ATP11B: variants seen among roughly 807,000 people sequenced by gnomAD.
ATP11B encodes the protein phospholipid-transporting ATPase IF.
A neutral mutation model predicts 157.8 loss-of-function variants in ATP11B; 81 were observed. That is an observed-to-expected ratio of 0.51 (90% CI 0.43 to 0.62). The LOEUF is 0.62. Ranked by LOEUF, ATP11B falls within the 20% of genes least tolerant of loss-of-function variation. The pLI is 0.00. For missense variants in ATP11B, 1,165 were observed against 1,402.2 expected, an observed-to-expected ratio of 0.83 and a Z score of 2.70; for synonymous variants, 451 against 469.4, an observed-to-expected ratio of 0.96 and a Z score of 0.51.
intron 25 of ATP11B, 118 bp from the exon 26 acceptor site, chr3:182,896,580 GTT>G (rs1215840879): frequency 1.3e-6 from 1 of 791,964 alleles, no homozygotes; most frequent in East Asian, 2.5e-5. Flanking sequence ...ATAGTCACCA[GTT>G]TCAAATGTAC....
At chr3:182,839,715 A>G (rs1718853504) in intron 7 of ATP11B, among the ~76,000 whole-genome samples, 1 of 152,082 alleles carries the variant, frequency 6.6e-6, no homozygotes, top group South Asian at 2.1e-4. Flanking sequence ...GGTTCAAGCA[A>G]TTCTCCTGCC....
chr3:182,916,727 T>TA, intron 29 of ATP11B: 1 of 984,390 alleles, frequency 1.0e-6, no homozygotes, highest in Non-Finnish European at 1.2e-6. Flanking sequence ...AAAAAAAATT[T>TA]AAAATGAAGG....
chr3:182,824,447 T>G (rs1380495939), intron 2 of ATP11B, among the ~76,000 whole-genome samples: 2 of 152,166 alleles, frequency 1.3e-5, no homozygotes, highest in African/African-American at 4.8e-5. Flanking sequence ...CATTTGCAAT[T>G]TTTTGAAATT....
intron 15 of ATP11B, among the ~76,000 whole-genome samples, chr3:182,867,820 C>T (rs1476584909): frequency 6.6e-6 from 1 of 152,116 alleles, no homozygotes; most frequent in Non-Finnish European, 1.5e-5. Flanking sequence ...ATCCACCCAC[C>T]TTGGCCTCCC....
intron 3 of ATP11B, 73 bp downstream of exon 3, chr3:182,828,282 A>G (rs1379601338): frequency 9.7e-6 from 7 of 718,560 alleles, no homozygotes. Flanking sequence ...AAGAAAAATT[A>G]CATTGTGTTG....
intron 14 of ATP11B, among the ~76,000 whole-genome samples, chr3:182,866,896 AAG>A (rs1318482888): frequency 6.8e-6 from 1 of 146,650 alleles, no homozygotes; most frequent in African/African-American, 2.5e-5. Flanking sequence ...ATATATTAAA[AAG>A]AATATATAAG....
intron 9 of ATP11B, among the ~76,000 whole-genome samples, chr3:182,845,828 G>A (rs995672011): frequency 8.6e-5 from 13 of 152,022 alleles, no homozygotes; most frequent in African/African-American, 2.9e-4. Context: ...AATATAATAT[G>A]GTATCATGGT....
chr3:182,910,195 G>T (rs947308437), intron 28 of ATP11B, among the ~76,000 whole-genome samples: 1 of 150,338 alleles, frequency 6.7e-6, no homozygotes, highest in Non-Finnish European at 1.5e-5. Flanking sequence ...GTGATCTGAA[G>T]AAGTCATTTC....
At chr3:182,829,918 T>G in intron 4 of ATP11B, 166 bp downstream of exon 4, 1 of 985,056 alleles carries the variant, frequency 1.0e-6, no homozygotes, top group Non-Finnish European at 1.2e-6. Context: ...TCTGTTATAT[T>G]TCAGGTACCT....
At chr3:182,809,163 G>C (rs1356344910) in intron 1 of ATP11B, among the ~76,000 whole-genome samples, 1 of 152,082 alleles carries the variant, frequency 6.6e-6, no homozygotes, top group Non-Finnish European at 1.5e-5. Flanking sequence ...GTTATTAGAA[G>C]TTAGTGTGAT....
chr3:182,832,197 TA>T (rs1718203403), intron 4 of ATP11B, among the ~76,000 whole-genome samples: 1 of 152,124 alleles, frequency 6.6e-6, no homozygotes, highest in African/African-American at 2.4e-5. Context: ...TTGGTTTAAG[TA>T]AAAGTGAATA....
At chr3:182,835,399 A>G (rs1165070660) in intron 4 of ATP11B, among the ~76,000 whole-genome samples, 1 of 152,214 alleles carries the variant, frequency 6.6e-6, no homozygotes, top group African/African-American at 2.4e-5. Context: ...TATCATTTGT[A>G]CATAGAAACA....
At chr3:182,853,593 AGGAAT>A (rs1720148845) in intron 10 of ATP11B, among the ~76,000 whole-genome samples, 2 of 152,218 alleles carry the variant, frequency 1.3e-5, no homozygotes, top group Non-Finnish European at 2.9e-5. Context: ...TAATATATTT[AGGAAT>A]AAGTTTTTTT....
chr3:182,822,878 G>A (rs1337201341), intron 2 of ATP11B, among the ~76,000 whole-genome samples: 1 of 152,210 alleles, frequency 6.6e-6, no homozygotes, highest in African/African-American at 2.4e-5. Flanking sequence ...GTGATGATGA[G>A]CATTTTTTCA....
chr3:182,820,437 A>C, intron 2 of ATP11B, 61 bp downstream of exon 2: 1 of 1,161,760 alleles, frequency 8.6e-7, no homozygotes, highest in Non-Finnish European at 1.3e-6. Flanking sequence ...TCATCCCAGC[A>C]CTTTGGGAGG....
At chr3:182,853,455 C>G (rs940611771) in intron 10 of ATP11B, among the ~76,000 whole-genome samples, 2 of 152,130 alleles carry the variant, frequency 1.3e-5, no homozygotes, top group African/African-American at 4.8e-5. Context: ...ATCCGCCTAC[C>G]TCGGCCTCCC....
Position 182,906,855 on chromosome 3 carries a change from G to A in ATP11B, c.3319-7006G>A, listed in dbSNP as rs955864858. Among the ~76,000 whole-genome samples, 142 of 151,888 alleles carry A rather than the reference G, an allele frequency of 9.3e-4. 2 individuals carry two copies. Among genetic ancestry groups the A allele is most frequent in the African/African-American group, 3.1e-3 (130 of 41,498 alleles). On this transcript the variant is annotated intron_variant, in intron 28 of 29. Transcript: ENST00000323116. ...TGTAATCCCAGCACTTTGGGAGGCT[G>A]AGGCGGGTGGATCATGAGGTCAGGA... is the stretch of plus-strand genomic sequence containing the variant.
intron 4 of ATP11B, 122 bp from the exon 5 acceptor site, chr3:182,835,913 A>C (rs1364743230): frequency 4.6e-6 from 3 of 655,448 alleles, no homozygotes; most frequent in Admixed American, 6.3e-5. Context: ...GTGCATCCAA[A>C]TAGCCTCATA....
intron 1 of ATP11B, among the ~76,000 whole-genome samples, chr3:182,812,468 G>A (rs1163963423): frequency 6.6e-6 from 1 of 152,198 alleles, no homozygotes; most frequent in Non-Finnish European, 1.5e-5. Context: ...CAAATTTAGT[G>A]TCCTTGCTTA....
Sources: gnomAD v4.1 joint callset for allele counts (sites outside exome capture counted in the v4.1 genomes callset) on GRCh38, gnomAD v4.1.1 for gene constraint, MANE v1.5 for transcripts, NCBI Gene and HGNC (gene_info 2026-07-23, HGNC 2026-07-21) for gene names.